Variants in MYO18B observed in about 807,000 individuals in gnomAD.
MYO18B encodes myosin XVIIIB, also known as unconventional myosin-XVIIIb.
In MYO18B, 204 loss-of-function variants were observed where a neutral mutation model predicts 273.0. The observed-to-expected ratio is 0.75, with a 90% CI of 0.67 to 0.84. The LOEUF is 0.84. MYO18B is among the 40% of genes least tolerant of loss of function. MYO18B has a pLI of 0.00. For synonymous variants in MYO18B, 1,330 were observed against 1,305.7 expected, an observed-to-expected ratio of 1.02 and a Z score of -0.40; for missense variants, 3,212 against 3,287.6, an observed-to-expected ratio of 0.98 and a Z score of 0.56.
At chr22:25,792,497 C>CTTTTTTTTTTTTTTTTTTTTTTTTT (rs58679561) in intron 11 of MYO18B, among the ~76,000 whole-genome samples, 1 of 107,956 alleles carries the variant, frequency 9.3e-6, no homozygotes, top group Non-Finnish European at 1.7e-5. Flanking sequence ...TTTTTCTTTT[C>CTTTTTTTTTTTTTTTTTTTTTTTTT]TTTTTTTTTT....
intron 7 of MYO18B, among the ~76,000 whole-genome samples, chr22:25,775,441 C>T (rs375489189): frequency 5.8e-4 from 89 of 152,296 alleles, no homozygotes; most frequent in Admixed American, 1.8e-3. Context: ...GGGGCCTTGC[C>T]GGACCCAGTG....
rs761376545 is a variant in MYO18B, at chr22:26,026,399, A to G, written c.6471-46A>G. The stretch of plus-strand genomic sequence containing the variant: ...CTCTCACACCGATTGCACAAATTGT[A>G]TGAATTGCACAATTTCTACAGACTG... On this transcript the variant is annotated intron_variant, in intron 42 of 43. Transcript: ENST00000335473. 6 of 1,555,792 alleles carry G rather than the reference A, an allele frequency of 3.9e-6. No homozygotes were observed. In the South Asian group the frequency reaches 4.9e-5, roughly 13 times the overall value.
intron 22 of MYO18B, among the ~76,000 whole-genome samples, chr22:25,872,850 T>C (rs1183458008): frequency 6.6e-6 from 1 of 152,188 alleles, no homozygotes; most frequent in African/African-American, 2.4e-5. Flanking sequence ...AATACAGAGT[T>C]ATCCAGTGTC....
In MYO18B at chr22:25,992,448, A is replaced by C. The variant is rs910599538; in HGVS notation, c.6242A>C (p.Gln2081Pro). ...TCCATTCGGCGGATTGCCGACCTGC[A>C]GGCTGCCTTGGAAGAAGTGGCATCC... The part of the protein sequence containing the change: ...ETSIRRIADL[Q>P]AALEEVASSD... The change falls in exon 40 of 44, where the codon CAG becomes CCG. Residue 2081 changes from glutamine (Q) to proline (P), a missense_variant. Transcript: ENST00000335473. The C allele has an allele frequency of 1.9e-6, 3 of 1,613,988 alleles. No homozygotes were observed. The highest frequency in any genetic ancestry group is 2.5e-6 in the Non-Finnish European group (3 of 1,179,896).
chr22:25,839,188 G>A (rs1222073648), intron 17 of MYO18B, among the ~76,000 whole-genome samples: 1 of 151,540 alleles, frequency 6.6e-6, no homozygotes, highest in African/African-American at 2.4e-5. Flanking sequence ...ATGTATGAGT[G>A]TGTTTGTATA....
In MYO18B at chr22:25,846,102, A is replaced by G; in HGVS notation, c.3371A>G (p.Glu1124Gly). ...APQVLHQSKR[E>G]ELRSLFQARA... ...CTCTTTTCCCTCCTCCCCACCAGAG[A>G]GGAGCTGCGGAGTCTATTCCAGGCC... The change falls in exon 19 of 44, where the codon GAG (glutamate) becomes GGG (glycine). Residue 1124 changes from glutamate (E) to glycine (G), a missense_variant and splice_region_variant. By Grantham distance (98) the Glu-to-Gly change is moderately conservative. Coordinates refer to ENST00000335473, the MANE Select transcript of MYO18B (RefSeq NM_032608.7). 3 of 1,546,012 alleles carry G rather than the reference A, an allele frequency of 1.9e-6. No homozygotes were observed. Among genetic ancestry groups the G allele is most frequent in the Non-Finnish European group, 2.6e-6 (3 of 1,151,306 alleles).
chr22:26,034,993 C>T (rs1052627389), downstream of MYO18B, among the ~76,000 whole-genome samples: 4 of 152,142 alleles, frequency 2.6e-5, no homozygotes, highest in Admixed American at 6.5e-5. Context: ...CTGTGGGGGA[C>T]GGGTAATATA....
intron 38 of MYO18B, among the ~76,000 whole-genome samples, chr22:25,954,443 A>T (rs2092825619): frequency 6.6e-6 from 1 of 151,932 alleles, no homozygotes; most frequent in Non-Finnish European, 1.5e-5. Context: ...GCTGCTAAAA[A>T]AAAAAAAGAA....
chr22:26,030,626 A>G lies in MYO18B; in HGVS notation c.*196A>G. The G allele has an allele frequency of 3.4e-6, 1 of 291,270 alleles. No individual in the cohort carries two copies. The highest frequency in any genetic ancestry group is 6.3e-6 in the Non-Finnish European group (1 of 157,568). The allele number at this position is 291,270 out of a possible 1,614,324, so 18.0% of individuals were successfully genotyped here. ...CAGTGTGGTTGGCCTGAACAAAATAAAGTGTTGACTCCTGGGCATCTGTGC... is the reference window on the plus strand; with the variant it reads ...CAGTGTGGTTGGCCTGAACAAAATAGAGTGTTGACTCCTGGGCATCTGTGC... On this transcript the variant is annotated 3_prime_UTR_variant, in exon 44 of 44. Coordinates refer to ENST00000335473, the MANE Select transcript of MYO18B (RefSeq NM_032608.7).
At chr22:26,037,677 G>A in the MYO18B span, among the ~76,000 whole-genome samples, 2 of 152,200 alleles carry the variant, frequency 1.3e-5, no homozygotes, top group Non-Finnish European at 2.9e-5. Context: ...AAAATGGGGT[G>A]GGGTAAGAGG....
intron 34 of MYO18B, among the ~76,000 whole-genome samples, chr22:25,937,334 T>C (rs2092591558): frequency 6.6e-6 from 1 of 152,080 alleles, no homozygotes; most frequent in South Asian, 2.1e-4. Context: ...TTCGTTTGCC[T>C]CGGCCTCCCA....
At chr22:25,826,694 C>T (rs925742478) in intron 14 of MYO18B, among the ~76,000 whole-genome samples, 195 bp downstream of exon 14, 2 of 152,172 alleles carry the variant, frequency 1.3e-5, no homozygotes, top group Non-Finnish European at 1.5e-5. Context: ...TCTCTGATCT[C>T]CCTTTCCTCG....
At chr22:26,031,189 A>G (rs544975670), downstream of MYO18B, 171 of 368,826 alleles carry the variant, frequency 4.6e-4, no homozygotes, top group African/African-American at 3.5e-3. Context: ...CCTTTATTTA[A>G]ATTCCCACTA....
intron 33 of MYO18B, among the ~76,000 whole-genome samples, chr22:25,913,072 G>C (rs1440758666): frequency 6.6e-6 from 1 of 152,094 alleles, no homozygotes; most frequent in Non-Finnish European, 1.5e-5. Flanking sequence ...CTGCCTCACT[G>C]TGCACACGGG....
In MYO18B at chr22:25,761,146, T is replaced by C; in HGVS notation, c.39+15T>C. 2 of 1,612,658 alleles carry C rather than the reference T, an allele frequency of 1.2e-6. No homozygotes were observed. The highest frequency in any genetic ancestry group is 1.7e-6 in the Non-Finnish European group (2 of 1,179,846). On this transcript the variant is annotated intron_variant, in intron 2 of 43. Transcript: ENST00000335473. ...GGGAGCAGAAGGAAAGTGACACTCATGGCTGGGGCTGCAGCCATCTGCAGG... is the reference window on the plus strand; with the variant it reads ...GGGAGCAGAAGGAAAGTGACACTCACGGCTGGGGCTGCAGCCATCTGCAGG...
In MYO18B at chr22:25,973,843, A is replaced by T. The variant is rs145806244; in HGVS notation, c.6156+18479A>T. 6.6e-3 allele frequency among the ~76,000 whole-genome samples: 1,012 copies of T among 152,318 alleles called. 9 individuals are homozygous for T. Among genetic ancestry groups the T allele is most frequent in the Admixed American group, 0.01 (155 of 15,300 alleles). On this transcript the variant is annotated intron_variant, in intron 39 of 43. Transcript: ENST00000335473. ...GCCACTTCCTTTCCAATCCCTTTTG[A>T]ACTCACACATGACTTTTCTCATCAT...
Position 25,917,697 on chromosome 22 carries a change from T to C in MYO18B, c.5365-3560T>C, listed in dbSNP as rs2092283875. ...ACATTTGTTATAATGACTGATATAT[T>C]TGAAACTATTTTGTGTTTTGTTAGT... On this transcript the variant is annotated intron_variant, in intron 33 of 43. Coordinates refer to ENST00000335473, the MANE Select transcript of MYO18B (RefSeq NM_032608.7). 7.9e-5 allele frequency among the ~76,000 whole-genome samples: 12 copies of C among 152,162 alleles called. 1 individual carries two copies. Among genetic ancestry groups the C allele is most frequent in the Admixed American group, 7.9e-4 (12 of 15,264 alleles).
intron 42 of MYO18B, among the ~76,000 whole-genome samples, chr22:26,009,099 C>A (rs188494830): frequency 6.1e-4 from 93 of 152,310 alleles, no homozygotes; most frequent in African/African-American, 2.1e-3. Flanking sequence ...TCCTGACTTC[C>A]CTCTGATCTC....
rs1555961004 is a variant in MYO18B, at chr22:25,948,527, T to TTCCTTC, written c.5748+699_5748+700insTCCTTC. On this transcript the variant is annotated intron_variant, in intron 36 of 43. Coordinates refer to ENST00000335473, the MANE Select transcript of MYO18B (RefSeq NM_032608.7). ...TCTCTTTTCTCTTTCCTTCTTTCTTTCTTCCTTCCTTCCTTCCTTCCTTTC... is the reference window on the plus strand; with the variant it reads ...TCTCTTTTCTCTTTCCTTCTTTCTTTTCCTTCCTTCCTTCCTTCCTTCCTTCCTTTC... 2.3e-4 allele frequency among the ~76,000 whole-genome samples: 25 copies of TTCCTTC among 110,480 alleles called. 1 individual carries two copies. Among genetic ancestry groups the TTCCTTC allele is most frequent in the South Asian group, 1.0e-3 (3 of 2,956 alleles). The allele number at this position is 110,480 out of a possible 152,430, so 72.5% of individuals were successfully genotyped here.
Sources: allele counts gnomAD v4.1 joint callset (sites outside exome capture counted in the v4.1 genomes callset), GRCh38; gene constraint gnomAD v4.1.1; transcripts MANE v1.5; gene names NCBI Gene and HGNC (gene_info 2026-07-23, HGNC 2026-07-21).